Variants in CFAP61 observed in about 807,000 individuals in gnomAD.
The protein encoded by CFAP61 is cilia- and flagella-associated protein 61.
Under a neutral mutation model 135.6 loss-of-function variants are expected in CFAP61, and 107 were observed. That is an observed-to-expected ratio of 0.79 (90% CI 0.67 to 0.93). The LOEUF (loss-of-function observed/expected upper bound fraction) is 0.93, where lower values mean the gene tolerates loss of function less well. Among genes scored for constraint, CFAP61 ranks in the 40% least tolerant of loss-of-function variants. The pLI, the probability that CFAP61 is intolerant of heterozygous loss-of-function variation, is 0.00. For missense variants in CFAP61, 1,507 were observed against 1,556.2 expected, an observed-to-expected ratio of 0.97 and a Z score of 0.53; for synonymous variants, 575 against 578.5, an observed-to-expected ratio of 0.99 and a Z score of 0.09.
chr20:20,275,820 A>C (rs1028896020), intron 21 of CFAP61, among the ~76,000 whole-genome samples: 2 of 152,192 alleles, frequency 1.3e-5, no homozygotes, highest in Non-Finnish European at 2.9e-5. Context: ...CAGACAGCCA[A>C]GATTCATGTT....
chr20:20,102,824 C>T (rs1446139353), intron 8 of CFAP61, among the ~76,000 whole-genome samples: 3 of 152,146 alleles, frequency 2.0e-5, no homozygotes, highest in Non-Finnish European at 4.4e-5. Flanking sequence ...CTTTCCCTGC[C>T]AGCTGTGAAA....
rs1274530537 is a variant in CFAP61, at chr20:20,118,270, T to TTTCTTTCTTTCC, written c.859+19467_859+19468insCTTCTTTCTTTC. Reference sequence around the variant, plus strand: ...TGAGGTATGTTTCTTTCTTTCTTTCTTTCTTTCTTTCTTTCTTTCTTTCTT... The same window carrying TTTCTTTCTTTCC: ...TGAGGTATGTTTCTTTCTTTCTTTCTTTCTTTCTTTCCTTCTTTCTTTCTTTCTTTCTTTCTT... On this transcript the variant is annotated intron_variant, in intron 8 of 26. Coordinates refer to ENST00000245957, the MANE Select transcript of CFAP61 (RefSeq NM_015585.4). Among the ~76,000 whole-genome samples, 17 of 80,204 alleles carry TTTCTTTCTTTCC rather than the reference T, an allele frequency of 2.1e-4. 1 individual carries two copies. The highest frequency in any genetic ancestry group is 1.4e-4 in the Admixed American group (1 of 6,988). The allele number at this position is 80,204 out of a possible 152,430, so 52.6% of individuals were successfully genotyped here. A position where few individuals can be genotyped will look rare whatever the true frequency, so the allele number is the denominator to read the frequency against.
intron 3 of CFAP61, among the ~76,000 whole-genome samples, chr20:20,072,115 T>C: frequency 1.1e-5 from 1 of 87,668 alleles, no homozygotes; most frequent in African/African-American, 5.5e-5. Context: ...TTTTTTTTTT[T>C]TTTTTTTTTT....
intron 17 of CFAP61, among the ~76,000 whole-genome samples, chr20:20,218,244 T>C (rs934101042): frequency 6.6e-6 from 1 of 152,144 alleles, no homozygotes; most frequent in Admixed American, 6.5e-5. Flanking sequence ...GGACTGGTCT[T>C]TCCTGTGCTA....
chr20:20,098,978 A>G (rs186980662), intron 8 of CFAP61, among the ~76,000 whole-genome samples, 164 bp downstream of exon 8: 277 of 152,324 alleles, frequency 1.8e-3, no homozygotes, highest in African/African-American at 6.4e-3. Context: ...TGAAATACCT[A>G]CAAGCACAGA....
intron 25 of CFAP61, chr20:20,323,321 A>G (rs1375751491): frequency 2.0e-6 from 2 of 985,074 alleles, no homozygotes; most frequent in East Asian, 1.1e-4. Context: ...AAAGAGAGTA[A>G]GAAATACAGA....
intron 25 of CFAP61, among the ~76,000 whole-genome samples, chr20:20,304,303 T>A (rs113026610): frequency 3.3e-4 from 48 of 147,572 alleles, no homozygotes; most frequent in African/African-American, 1.1e-3. Context: ...TGTGTGTGTG[T>A]GAGAGAGAGA....
chr20:20,336,866 G>C lies in CFAP61; in HGVS notation c.3423-4965G>C, dbSNP rs140145676. On this transcript the variant is annotated intron_variant, in intron 25 of 26. Coordinates refer to ENST00000245957, the MANE Select transcript of CFAP61 (RefSeq NM_015585.4). Reference sequence around the variant, plus strand: ...CCCCTCTGCAGCCCTGCCATGCCAGGCCATCATAAGTGGCTCTGACATTCT... The same window carrying C: ...CCCCTCTGCAGCCCTGCCATGCCAGCCCATCATAAGTGGCTCTGACATTCT... Among the ~76,000 whole-genome samples the C allele has an allele frequency of 1.2e-3, 185 of 152,306 alleles. 1 individual carries two copies. Among genetic ancestry groups the C allele is most frequent in the African/African-American group, 4.2e-3 (173 of 41,564 alleles).
intron 17 of CFAP61, among the ~76,000 whole-genome samples, chr20:20,215,881 T>TA (rs2048013516): frequency 6.6e-6 from 1 of 152,234 alleles, no homozygotes; most frequent in South Asian, 2.1e-4. Context: ...TGAACCACAT[T>TA]AAAAATCATT....
In CFAP61 at chr20:20,277,274, C is replaced by T. The variant is rs781334827; in HGVS notation, c.2612C>T (p.Ala871Val). ...SRIHLVQPPP[A>V]STITCINNYS... ...ATCCACCTCGTGCAGCCCCCGCCCG[C>T]CTCCACCATCACCTGCATCAACAAC... The change falls in exon 22 of 27, where the codon GCC (alanine) becomes GTC (valine). Residue 871 changes from alanine to valine, a missense_variant. Ala to Val is a moderately conservative substitution (Grantham distance 64). Coordinates refer to ENST00000245957, the MANE Select transcript of CFAP61 (RefSeq NM_015585.4). 11 of 1,614,054 alleles carry T rather than the reference C, an allele frequency of 6.8e-6. No homozygotes were observed. Among genetic ancestry groups the T allele is most frequent in the Admixed American group, 6.7e-5 (4 of 60,008 alleles).
chr20:20,057,631 A>G (rs1277780675), intron 2 of CFAP61, among the ~76,000 whole-genome samples: 5 of 152,202 alleles, frequency 3.3e-5, no homozygotes, highest in Non-Finnish European at 5.9e-5. Context: ...TTCTTAAAAG[A>G]TCTTTTTTCT....
At chr20:20,085,328 T>A in intron 6 of CFAP61, 1 of 1,224,778 alleles carries the variant, frequency 8.2e-7, no homozygotes, top group Non-Finnish European at 1.0e-6. Flanking sequence ...CTTTGTCATA[T>A]GCCATTTGAG....
chr20:20,276,594 C>T (rs533094166), intron 21 of CFAP61, among the ~76,000 whole-genome samples: 1 of 152,242 alleles, frequency 6.6e-6, no homozygotes, highest in Admixed American at 6.5e-5. Flanking sequence ...GTCTTTCAGT[C>T]CCTCTAGCTA....
intron 19 of CFAP61, among the ~76,000 whole-genome samples, chr20:20,248,341 C>A (rs2050624919): frequency 6.6e-6 from 1 of 152,220 alleles, no homozygotes. Flanking sequence ...TATCTCTGAT[C>A]ATGGGGTTTC....
intron 6 of CFAP61, chr20:20,085,032 A>G (rs2146600638): frequency 1.2e-6 from 1 of 838,190 alleles, no homozygotes; most frequent in Non-Finnish European, 1.4e-6. Flanking sequence ...TCCAAGACAC[A>G]TTCAGAATGG....
intron 9 of CFAP61, among the ~76,000 whole-genome samples, chr20:20,148,622 A>G (rs1400986207): frequency 6.6e-6 from 1 of 152,132 alleles, no homozygotes; most frequent in African/African-American, 2.4e-5. Flanking sequence ...ATTTGTGTAC[A>G]TTAATTTTGT....
At chr20:20,308,983 A>C (rs544756395) in intron 25 of CFAP61, among the ~76,000 whole-genome samples, 1 of 152,320 alleles carries the variant, frequency 6.6e-6, no homozygotes, top group African/African-American at 2.4e-5. Context: ...GAGTTGTTTT[A>C]CTGTTGTTGG....
chr20:20,201,879 C>G (rs2056638457), intron 17 of CFAP61, among the ~76,000 whole-genome samples: 1 of 152,154 alleles, frequency 6.6e-6, no homozygotes. Flanking sequence ...GCGTGGGTGG[C>G]CTGGCTGGAG....
intron 8 of CFAP61, among the ~76,000 whole-genome samples, chr20:20,139,062 CA>C (rs1568986445): frequency 1.3e-5 from 2 of 152,044 alleles, no homozygotes; most frequent in African/African-American, 2.4e-5. Context: ...TTTCATCACA[CA>C]AAAATTAAGA....
Sources: allele counts gnomAD v4.1 joint callset (sites outside exome capture counted in the v4.1 genomes callset), GRCh38; gene constraint gnomAD v4.1.1; transcripts MANE v1.5; gene names NCBI Gene and HGNC (gene_info 2026-07-23, HGNC 2026-07-21).